Variants in ATF7IP2 observed in about 807,000 individuals in gnomAD.
ATF7IP2 encodes the protein activating transcription factor 7-interacting protein 2.
ATF7IP2 carries 42 observed loss-of-function variants against 64.2 expected under a neutral mutation model. That is an observed-to-expected ratio of 0.65 (90% CI 0.51 to 0.85). The LOEUF is 0.85. ATF7IP2 is among the 40% of genes least tolerant of loss of function. The pLI is 0.00. For missense variants in ATF7IP2, 933 were observed against 784.2 expected (o/e 1.19, Z -2.27); for synonymous variants, 308 against 272.8 (o/e 1.13, Z -1.27).
At chr16:10,479,943 T>G (rs935192603) in intron 12 of ATF7IP2, among the ~76,000 whole-genome samples, 1 of 148,996 alleles carries the variant, frequency 6.7e-6, no homozygotes, top group East Asian at 2.0e-4. Context: ...TCTCAGTGAT[T>G]TAGAACTGGA....
chr16:10,478,461 C>G (rs2050090815), intron 12 of ATF7IP2, among the ~76,000 whole-genome samples: 1 of 152,170 alleles, frequency 6.6e-6, no homozygotes, highest in Non-Finnish European at 1.5e-5. Context: ...ATGTGGAAAG[C>G]TGAAACTGGA....
At position 10,433,579 on chromosome 16, in the gene ATF7IP2, T is replaced by C; in HGVS notation, c.890T>C (p.Met297Thr). The stretch of plus-strand genomic sequence containing the variant: ...GAAAACGAGGAAAATGTTAAACGCA[T>C]GAAAACTTCAGAGCAAATTAATGAA... ...FSENEENVKR[M>T]KTSEQINENI... The change falls in exon 6 of 14, where the codon ATG becomes ACG. Residue 297 changes from methionine (M) to threonine (T), a missense_variant. Physicochemically the swap from Met to Thr is moderately conservative, Grantham distance 81. Coordinates refer to ENST00000562102, the MANE Select transcript of ATF7IP2 (RefSeq NM_001393719.1). The C allele has an allele frequency of 1.2e-6, 2 of 1,613,476 alleles. No individual in the cohort carries two copies. Among genetic ancestry groups the C allele is most frequent in the Non-Finnish European group, 1.7e-6 (2 of 1,179,414 alleles).
intron 3 of ATF7IP2, among the ~76,000 whole-genome samples, chr16:10,423,068 C>G (rs1007363896): frequency 1.1e-4 from 17 of 152,164 alleles, no homozygotes; most frequent in African/African-American, 3.9e-4. Context: ...CATGGTGGAA[C>G]TTCGTCTCTA....
chr16:10,398,261 G>A (rs1043359654), intron 1 of ATF7IP2, among the ~76,000 whole-genome samples: 15 of 151,416 alleles, frequency 9.9e-5, no homozygotes, highest in South Asian at 4.2e-4. Context: ...CCAAGATTGC[G>A]CCACTGCACT....
intron 2 of ATF7IP2, among the ~76,000 whole-genome samples, chr16:10,419,091 G>A (rs1182857307): frequency 6.6e-6 from 1 of 152,140 alleles, no homozygotes; most frequent in African/African-American, 2.4e-5. Flanking sequence ...ATTTTTTCGG[G>A]CCAGGTCCAA....
chr16:10,433,972 T>G (rs547287704), intron 6 of ATF7IP2, among the ~76,000 whole-genome samples: 1 of 152,282 alleles, frequency 6.6e-6, no homozygotes, highest in East Asian at 1.9e-4. Context: ...ACCTTCAGCT[T>G]TATTAAAGAA....
chr16:10,398,759 T>TG (rs917243237), intron 1 of ATF7IP2, among the ~76,000 whole-genome samples: 1 of 151,952 alleles, frequency 6.6e-6, no homozygotes, highest in East Asian at 1.9e-4. Flanking sequence ...ATTTTACAGC[T>TG]GGGGGGTGGG....
intron 3 of ATF7IP2, among the ~76,000 whole-genome samples, chr16:10,420,731 CAATT>C (rs1467001997): frequency 6.6e-6 from 1 of 152,194 alleles, no homozygotes; most frequent in African/African-American, 2.4e-5. Flanking sequence ...TGAGCATTTT[CAATT>C]AATTGTGTGG....
intron 2 of ATF7IP2, among the ~76,000 whole-genome samples, chr16:10,417,855 C>T (rs1052518334): frequency 6.6e-6 from 1 of 152,158 alleles, no homozygotes; most frequent in African/African-American, 2.4e-5. Context: ...CAGAAATACA[C>T]CTTCTCATTT....
chr16:10,426,394 C>T (rs1258812963), intron 3 of ATF7IP2, among the ~76,000 whole-genome samples: 1 of 152,162 alleles, frequency 6.6e-6, no homozygotes, highest in Non-Finnish European at 1.5e-5. Context: ...CTTACTTGCA[C>T]CTTTTATCAG....
intron 9 of ATF7IP2, among the ~76,000 whole-genome samples, chr16:10,460,190 C>A (rs918514208): frequency 6.6e-6 from 1 of 151,644 alleles, no homozygotes; most frequent in Non-Finnish European, 1.5e-5. Flanking sequence ...TATAGAAGCC[C>A]CAAAACATAT....
At chr16:10,401,324 T>C (rs1369208168) in intron 1 of ATF7IP2, among the ~76,000 whole-genome samples, 1 of 151,996 alleles carries the variant, frequency 6.6e-6, no homozygotes, top group African/African-American at 2.4e-5. Context: ...CGTACCACCA[T>C]GCCTGGCTCA....
At chr16:10,445,827 G>C (rs1035342610) in intron 8 of ATF7IP2, 1 of 152,148 alleles carries the variant, frequency 6.6e-6, no homozygotes, top group Non-Finnish European at 1.5e-5. Flanking sequence ...TTAAATACAT[G>C]GGTGATTAAC....
intron 12 of ATF7IP2, among the ~76,000 whole-genome samples, chr16:10,474,837 CA>C (rs1454444047): frequency 6.6e-6 from 1 of 152,078 alleles, no homozygotes; most frequent in Non-Finnish European, 1.5e-5. Context: ...CAATGCAAGC[CA>C]AAAGACAATT....
chr16:10,422,295 C>A (rs533087819), intron 3 of ATF7IP2, among the ~76,000 whole-genome samples: 1 of 152,154 alleles, frequency 6.6e-6, no homozygotes, highest in African/African-American at 2.4e-5. Flanking sequence ...TAAACCTTGG[C>A]GGGACTTTGT....
At chr16:10,462,635 A>C (rs1325836982) in intron 9 of ATF7IP2, among the ~76,000 whole-genome samples, 1 of 152,114 alleles carries the variant, frequency 6.6e-6, no homozygotes, top group East Asian at 1.9e-4. Context: ...GGTTTTCATC[A>C]ATATACTATA....
chr16:10,465,822 A>G (rs373332101), intron 9 of ATF7IP2, among the ~76,000 whole-genome samples: 44 of 152,002 alleles, frequency 2.9e-4, no homozygotes, highest in African/African-American at 1.0e-3. Flanking sequence ...AATCTAGTGG[A>G]ATTCCCGTTA....
chr16:10,412,991 T>A (rs141806407), intron 1 of ATF7IP2, among the ~76,000 whole-genome samples: 1 of 152,316 alleles, frequency 6.6e-6, no homozygotes, highest in Non-Finnish European at 1.5e-5. Flanking sequence ...CCTGCTTGCT[T>A]TTGATATTCA....
chr16:10,426,040 T>C (rs1164369438), intron 3 of ATF7IP2, among the ~76,000 whole-genome samples: 1 of 152,200 alleles, frequency 6.6e-6, no homozygotes, highest in Non-Finnish European at 1.5e-5. Context: ...CAATTATGCA[T>C]CTGAGGGAAA....
Sources: gnomAD v4.1 joint callset for allele counts (sites outside exome capture counted in the v4.1 genomes callset) on GRCh38, gnomAD v4.1.1 for gene constraint, MANE v1.5 for transcripts, NCBI Gene and HGNC (gene_info 2026-07-23, HGNC 2026-07-21) for gene names.